Variants in SRSF11 observed in about 807,000 individuals in gnomAD.
The protein encoded by SRSF11 is serine and arginine rich splicing factor 11.
In SRSF11, 9 loss-of-function variants were observed where a neutral mutation model predicts 56.0. The ratio of observed to expected loss-of-function variants is 0.16; its 90% confidence interval spans 0.10 to 0.28. The LOEUF (loss-of-function observed/expected upper bound fraction) is 0.28, where lower values mean the gene tolerates loss of function less well. SRSF11 is among the 10% of genes least tolerant of loss of function. The probability of loss-of-function intolerance (pLI) is 1.00; values close to 1 mark genes in which losing one functional copy is unlikely to be tolerated. For synonymous variants in SRSF11, 222 were observed against 215.3 expected, an observed-to-expected ratio of 1.03 and a Z score of -0.27; for missense variants, 421 against 600.7, an observed-to-expected ratio of 0.70 and a Z score of 3.13.
chr1:70,221,382 TGTC>T lies in SRSF11; in HGVS notation c.-252_-250del, dbSNP rs750793333. On this transcript the variant is annotated 5_prime_UTR_variant, in exon 1 of 12. Transcript: ENST00000370949. ...CATTGTGGGAGCTCGGGCCCGCTAG[TGTC>T]GTGGTTGGAGGCGAGGTGGGGCGGC... 1.4e-5 allele frequency: 7 copies of T among 499,448 alleles called. No homozygotes were observed. The highest frequency in any genetic ancestry group is 2.0e-5 in the African/African-American group (1 of 49,348). 30.9% of individuals were successfully genotyped at this position (499,448 alleles called of 1,614,324 possible).
intron 7 of SRSF11, among the ~76,000 whole-genome samples, chr1:70,241,065 C>G (rs781611313): frequency 6.6e-6 from 1 of 152,162 alleles, no homozygotes; most frequent in African/African-American, 2.4e-5. Context: ...AGCCACCATG[C>G]CCGGCCATTC....
chr1:70,228,874 A>G, intron 2 of SRSF11: 1 of 1,069,566 alleles, frequency 9.3e-7, no homozygotes, highest in Non-Finnish European at 1.1e-6. Context: ...AAAGCCCTGA[A>G]GGTAAATGAT....
intron 7 of SRSF11, among the ~76,000 whole-genome samples, chr1:70,242,055 G>C (rs1675546811): frequency 6.6e-6 from 1 of 151,826 alleles, no homozygotes; most frequent in African/African-American, 2.4e-5. Flanking sequence ...TGTAATCCCA[G>C]CTACTCAGGA....
chr1:70,242,945 T>C (rs1234557959), intron 7 of SRSF11, among the ~76,000 whole-genome samples: 1 of 152,168 alleles, frequency 6.6e-6, no homozygotes, highest in African/African-American at 2.4e-5. Flanking sequence ...GTTAAGTAGA[T>C]AAAAACATCT....
intron 1 of SRSF11, among the ~76,000 whole-genome samples, chr1:70,227,571 A>G (rs1672065042): frequency 1.3e-5 from 2 of 152,128 alleles, no homozygotes; most frequent in Non-Finnish European, 1.5e-5. Context: ...AGCTTTCCAA[A>G]TAACTTTTGG....
chr1:70,221,659 C>A lies in SRSF11; in HGVS notation c.23C>A (p.Pro8His), dbSNP rs746250964. ...GCCATGAGCAACACTACCGTCGTCC[C>A]CAGCACTGCAGGTCCGGGCCCCAGC... MSNTTVV[P>H]STAGPGPSGG... Residue 8 changes from proline to histidine, a missense_variant, in exon 1 of 12, where the codon CCC (proline) becomes CAC (histidine). This residue lies in a region of SRSF11 where 168 missense variants were observed against 294.9 expected (regional missense o/e 0.57). Transcript: ENST00000370949. The A allele has an allele frequency of 6.2e-7, 1 of 1,612,380 alleles. No homozygotes were observed. The highest frequency in any genetic ancestry group is 1.1e-5 in the South Asian group (1 of 90,934).
upstream of SRSF11, among the ~76,000 whole-genome samples, chr1:70,219,781 C>T (rs1217113857): frequency 6.6e-6 from 1 of 152,174 alleles, no homozygotes; most frequent in Admixed American, 6.5e-5. Flanking sequence ...TTCAGTCAAC[C>T]CATCCATTTT....
At position 70,237,561 on chromosome 1, in the gene SRSF11, T is replaced by G; in HGVS notation, c.718+9T>G. ...TGCTGCTATAGAACCAGGTAAACAA[T>G]GTTTATGCAATTTTGTTGTGTGATT... On this transcript the variant is annotated intron_variant, in intron 6 of 11. Coordinates refer to ENST00000370949, the MANE Select transcript of SRSF11 (RefSeq NM_001350605.2). The G allele has an allele frequency of 6.2e-7, 1 of 1,606,180 alleles. No individual in the cohort carries two copies. The highest frequency in any genetic ancestry group is 8.5e-7 in the Non-Finnish European group (1 of 1,178,142).
At chr1:70,225,216 G>A (rs1291387162) in intron 1 of SRSF11, among the ~76,000 whole-genome samples, 3 of 152,144 alleles carry the variant, frequency 2.0e-5, no homozygotes, top group Admixed American at 6.6e-5. Context: ...GCTGTAATAC[G>A]GAGATACATT....
At chr1:70,214,722 CATCCTT>C (rs1418684883) in intron 1 of SRSF11, among the ~76,000 whole-genome samples, 2 of 152,090 alleles carry the variant, frequency 1.3e-5, no homozygotes, top group African/African-American at 4.8e-5. Context: ...AGTGCTAACT[CATCCTT>C]ATCCTCTCCC....
chr1:70,248,240 A>G (rs1232794274), intron 9 of SRSF11, among the ~76,000 whole-genome samples: 1 of 152,184 alleles, frequency 6.6e-6, no homozygotes, highest in Non-Finnish European at 1.5e-5. Flanking sequence ...ATTTCATAAT[A>G]GCCAAAAAGT....
intron 3 of SRSF11, among the ~76,000 whole-genome samples, chr1:70,233,500 A>G (rs1673286637): frequency 6.6e-6 from 1 of 152,200 alleles, no homozygotes; most frequent in Non-Finnish European, 1.5e-5. Context: ...TTGGCCTCCC[A>G]AAGTGCTGGG....
At chr1:70,227,984 A>G (rs372044755) in intron 1 of SRSF11, among the ~76,000 whole-genome samples, 3 of 152,220 alleles carry the variant, frequency 2.0e-5, no homozygotes, top group Admixed American at 6.5e-5. Flanking sequence ...ATTATTGAGT[A>G]CATGTTCGTT....
chr1:70,249,796 G>C, intron 9 of SRSF11, 156 bp from the exon 10 acceptor site: 1 of 684,304 alleles, frequency 1.5e-6, no homozygotes, highest in Non-Finnish European at 2.5e-6. Context: ...CTGGGCTCAA[G>C]CAATCCCCTC....
Position 70,252,806 on chromosome 1 carries a change from T to C in SRSF11, c.*2001T>C, listed in dbSNP as rs562960369. 6.6e-6 allele frequency: 1 copy of C among 152,210 alleles called. No individual in the cohort carries two copies. Among genetic ancestry groups the C allele is most frequent in the Non-Finnish European group, 1.5e-5 (1 of 68,028 alleles). The allele number at this position is 152,210 out of a possible 1,614,324, so 9.4% of individuals were successfully genotyped here. On this transcript the variant is annotated 3_prime_UTR_variant, in exon 12 of 12. Transcript: ENST00000370949. ...CACTTGTAATCTCTGAATACAAATA[T>C]ACTAGCTTTTCTAAAGGGAATCATT...
intron 1 of SRSF11, among the ~76,000 whole-genome samples, chr1:70,207,106 G>A (rs893999154): frequency 2.0e-5 from 3 of 151,866 alleles, no homozygotes; most frequent in South Asian, 4.2e-4. Flanking sequence ...TGGTCAGGCT[G>A]GTCTCGAACT....
chr1:70,216,824 C>T (rs1670049963), upstream of SRSF11, among the ~76,000 whole-genome samples: 1 of 152,138 alleles, frequency 6.6e-6, no homozygotes, highest in South Asian at 2.1e-4. Context: ...CCAATTGAAC[C>T]TTCTCTGTGC....
chr1:70,248,382 G>A (rs1053561204), intron 9 of SRSF11: 1 of 151,484 alleles, frequency 6.6e-6, no homozygotes, highest in African/African-American at 2.4e-5. Flanking sequence ...GCCGTGTATT[G>A]CGTGATTCCT....
At chr1:70,212,927 C>T (rs1028401524) in intron 1 of SRSF11, among the ~76,000 whole-genome samples, 1 of 151,562 alleles carries the variant, frequency 6.6e-6, no homozygotes, top group African/African-American at 2.4e-5. Flanking sequence ...CGGCGTGAGC[C>T]TATAGTCCCA....
Sources: gnomAD v4.1 joint callset for allele counts (sites outside exome capture counted in the v4.1 genomes callset) on GRCh38, gnomAD v4.1.1 for gene constraint, gnomAD v4.1.1 regional missense constraint, MANE v1.5 for transcripts, NCBI Gene and HGNC (gene_info 2026-07-23, HGNC 2026-07-21) for gene names.